The following TMEM131 variants were observed in gnomAD, a reference collection of about 807,000 sequenced individuals.
TMEM131 encodes the protein 2610524E03Rik.
In TMEM131, 66 loss-of-function variants were observed where a neutral mutation model predicts 211.6. That is an observed-to-expected ratio of 0.31 (90% CI 0.26 to 0.38). The LOEUF is 0.38. Ranked by LOEUF, TMEM131 falls within the 10% of genes least tolerant of loss-of-function variation. The pLI is 1.00. For synonymous variants in TMEM131, 844 were observed against 841.3 expected (o/e 1.00, Z -0.06); for missense variants, 2,036 against 2,299.3 (o/e 0.89, Z 2.34).
At chr2:97,801,868 G>T in intron 25 of TMEM131, 27 bp downstream of exon 25, 1 of 1,473,266 alleles carries the variant, frequency 6.8e-7, no homozygotes, top group Non-Finnish European at 9.3e-7. Flanking sequence ...TAATTTCTTT[G>T]GAATAGTATG....
chr2:97,841,338 T>A (rs1365601583), intron 7 of TMEM131, among the ~76,000 whole-genome samples: 4 of 152,252 alleles, frequency 2.6e-5, no homozygotes, highest in African/African-American at 9.6e-5. Flanking sequence ...TTGAATTTTT[T>A]AAATAAAAAA....
intron 1 of TMEM131, among the ~76,000 whole-genome samples, chr2:97,947,561 C>A (rs1678101838): frequency 6.6e-6 from 1 of 151,888 alleles, no homozygotes; most frequent in Non-Finnish European, 1.5e-5. Flanking sequence ...TTAAAGAACA[C>A]CTAAATAAAA....
intron 1 of TMEM131, among the ~76,000 whole-genome samples, chr2:97,950,877 C>G (rs951872172): frequency 6.6e-6 from 1 of 152,124 alleles, no homozygotes; most frequent in African/African-American, 2.4e-5. Context: ...AGGAGGAAAA[C>G]GAGCTTAGTT....
At position 97,809,769 on chromosome 2, in the gene TMEM131, C is replaced by A. The variant is rs958073097; in HGVS notation, c.1974G>T (p.Leu658=). 6.2e-7 allele frequency: 1 copy of A among 1,600,874 alleles called. No individual in the cohort carries two copies. The highest frequency in any genetic ancestry group is 1.3e-5 in the African/African-American group (1 of 74,838). ...AIQITTDYEI[L]TIPVKAVIAV... is the part of the protein sequence containing the mutation. ...CAATCACAGCCTTCACAGGGATTGT[C>A]AGGATCTGTGAAGTCAAGAAGATGA... Residue 658 remains leucine, a synonymous_variant, in exon 19 of 41, where the codon CTG becomes CTT. Transcript: ENST00000186436.
chr2:97,995,357 G>T, intron 1 of TMEM131, 119 bp downstream of exon 1: 5 of 1,060,746 alleles, frequency 4.7e-6, no homozygotes, highest in South Asian at 3.8e-5. Flanking sequence ...GACGGTACCC[G>T]ACCGCCCAAC....
At chr2:97,927,841 C>A (rs1047121857) in intron 1 of TMEM131, among the ~76,000 whole-genome samples, 1 of 152,094 alleles carries the variant, frequency 6.6e-6, no homozygotes, top group Non-Finnish European at 1.5e-5. Context: ...TAGAAAAGAT[C>A]ACTACAGTAT....
intron 29 of TMEM131, among the ~76,000 whole-genome samples, chr2:97,793,768 G>A (rs1680615477): frequency 1.3e-5 from 2 of 151,646 alleles, no homozygotes; most frequent in South Asian, 2.1e-4. Context: ...GCCGAGGCGG[G>A]TGGATCACGA....
intron 1 of TMEM131, among the ~76,000 whole-genome samples, chr2:97,928,753 A>T (rs962679798): frequency 6.6e-6 from 1 of 151,798 alleles, no homozygotes; most frequent in African/African-American, 2.4e-5. Context: ...AAATCGAACA[A>T]TTAAGTACAC....
chr2:97,875,346 C>T (rs770179010), intron 4 of TMEM131, among the ~76,000 whole-genome samples: 57 of 152,162 alleles, frequency 3.7e-4, no homozygotes, highest in Non-Finnish European at 6.9e-4. Context: ...AGGACCTGAA[C>T]TCAGCTCTGG....
chr2:97,967,794 C>T (rs1419061871), intron 1 of TMEM131, among the ~76,000 whole-genome samples: 1 of 152,044 alleles, frequency 6.6e-6, no homozygotes, highest in Admixed American at 6.5e-5. Context: ...GGTCACAGAG[C>T]TAGTAAGCAC....
chr2:97,892,021 A>T (rs1313878390), intron 3 of TMEM131, among the ~76,000 whole-genome samples: 2 of 152,178 alleles, frequency 1.3e-5, no homozygotes, highest in African/African-American at 2.4e-5. Flanking sequence ...TTCAAATATG[A>T]TTTTTATTAA....
chr2:97,817,817 C>T (rs935348598), intron 12 of TMEM131, among the ~76,000 whole-genome samples: 2 of 152,172 alleles, frequency 1.3e-5, no homozygotes, highest in African/African-American at 4.8e-5. Flanking sequence ...CGATGAGGAG[C>T]TGAGCTTTAC....
At chr2:97,854,264 T>C (rs944281722) in intron 5 of TMEM131, among the ~76,000 whole-genome samples, 1 of 152,210 alleles carries the variant, frequency 6.6e-6, no homozygotes, top group African/African-American at 2.4e-5. Context: ...TAAAGTATTT[T>C]TGAAATTAAG....
At chr2:97,824,520 C>T (rs1225196167) in intron 11 of TMEM131, among the ~76,000 whole-genome samples, 1 of 152,210 alleles carries the variant, frequency 6.6e-6, no homozygotes, top group East Asian at 1.9e-4. Flanking sequence ...TTTCACATGC[C>T]TTTCTCGTTA....
rs1218652936 is a variant in TMEM131, at chr2:97,811,166, T to A, written c.1930A>T (p.Ile644Phe). 8 of 1,613,786 alleles carry A rather than the reference T, an allele frequency of 5.0e-6. No homozygotes were observed. The highest frequency in any genetic ancestry group is 1.7e-5 in the Admixed American group (1 of 60,030). The change falls in exon 18 of 41, where the codon ATT becomes TTT. Residue 644 changes from isoleucine to phenylalanine, a missense_variant. This residue lies in a region of TMEM131 where 1,623 missense variants were observed against 1,805.9 expected (regional missense o/e 0.90). Coordinates refer to ENST00000186436, the MANE Select transcript of TMEM131 (RefSeq NM_015348.2). Reference sequence around the variant, plus strand: ...GTGATCTGGATGGCTCCATCATGAATCCCCTCTAATTTTTTTGCAGTAAGT... The same window carrying A: ...GTGATCTGGATGGCTCCATCATGAAACCCCTCTAATTTTTTTGCAGTAAGT... The part of the protein sequence containing the change: ...VKLTAKKLEG[I>F]HDGAIQITTD...
intron 4 of TMEM131, among the ~76,000 whole-genome samples, chr2:97,866,144 G>C (rs1674262085): frequency 1.3e-5 from 2 of 152,212 alleles, no homozygotes; most frequent in Non-Finnish European, 2.9e-5. Context: ...GCCTCCCAAA[G>C]TGCAGGGATT....
Position 97,792,529 on chromosome 2 carries a change from C to G in TMEM131, c.4001G>C (p.Arg1334Pro). Reference sequence around the variant, plus strand: ...GGAACTGTGCCTCGCGCTGCTGGCACGTTCTGGGTGGGAAGGGTGTGCGAG... The same window carrying G: ...GGAACTGTGCCTCGCGCTGCTGGCAGGTTCTGGGTGGGAAGGGTGTGCGAG... ...APLAHPSHPE[R>P]ASSARHSSED... The change falls in exon 31 of 41, where the codon CGT (arginine) becomes CCT (proline). Residue 1334 changes from arginine (R) to proline (P), a missense_variant. This residue lies in a region of TMEM131 where 1,623 missense variants were observed against 1,805.9 expected (regional missense o/e 0.90). Transcript: ENST00000186436. The G allele has an allele frequency of 1.9e-6, 3 of 1,613,490 alleles. No individual in the cohort carries two copies. Among genetic ancestry groups the G allele is most frequent in the Non-Finnish European group, 2.5e-6 (3 of 1,179,688 alleles).
At chr2:97,987,178 C>T (rs1295977130) in intron 1 of TMEM131, among the ~76,000 whole-genome samples, 1 of 152,230 alleles carries the variant, frequency 6.6e-6, no homozygotes, top group East Asian at 1.9e-4. Context: ...AAGAACCAAA[C>T]TGCCATATCA....
At chr2:97,976,637 T>C (rs1165316802) in intron 1 of TMEM131, among the ~76,000 whole-genome samples, 10 of 152,172 alleles carry the variant, frequency 6.6e-5, no homozygotes, top group Non-Finnish European at 7.4e-5. Context: ...GAAGGCTCTG[T>C]TGTACAAATT....
Sources: allele counts gnomAD v4.1 joint callset (sites outside exome capture counted in the v4.1 genomes callset), GRCh38; gene constraint gnomAD v4.1.1; regional missense constraint gnomAD v4.1.1; transcripts MANE v1.5; gene names NCBI Gene and HGNC (gene_info 2026-07-23, HGNC 2026-07-21).